HS6ST3: variants seen among roughly 807,000 people sequenced by gnomAD.
HS6ST3 encodes the protein heparan sulfate 6-O-sulfotransferase 3.
HS6ST3 carries 12 observed loss-of-function variants against 36.7 expected under a neutral mutation model. That is an observed-to-expected ratio of 0.33 (90% CI 0.21 to 0.53). HS6ST3 has a LOEUF of 0.53. Ranked by LOEUF, HS6ST3 falls within the 20% of genes least tolerant of loss-of-function variation. HS6ST3 has a pLI of 0.95. For missense variants in HS6ST3, 584 were observed against 640.9 expected, an observed-to-expected ratio of 0.91 and a Z score of 0.96; for synonymous variants, 240 against 257.5, an observed-to-expected ratio of 0.93 and a Z score of 0.65.
intron 1 of HS6ST3, among the ~76,000 whole-genome samples, chr13:96,785,786 A>G (rs61642252): frequency 0.089 from 13,521 of 152,264 alleles, 712 homozygotes; most frequent in African/African-American, 0.14. Context: ...TTGAGCACCT[A>G]CTATGGAACC....
chr13:96,740,150 T>C (rs1292057773), intron 1 of HS6ST3, among the ~76,000 whole-genome samples: 1 of 152,158 alleles, frequency 6.6e-6, no homozygotes, highest in African/African-American at 2.4e-5. Flanking sequence ...ATCTTATTCA[T>C]TGCCTGTCTC....
chr13:96,317,329 TATATATATATATATA>T (rs2054975872), intron 1 of HS6ST3, among the ~76,000 whole-genome samples: 14 of 18,730 alleles, frequency 7.5e-4, no homozygotes, highest in East Asian at 1.5e-3. Context: ...TATTCCATTA[TATATATATATATATA>T]TATATATATA....
At chr13:96,617,492 T>G (rs2056478746) in intron 1 of HS6ST3, among the ~76,000 whole-genome samples, 1 of 152,214 alleles carries the variant, frequency 6.6e-6, no homozygotes, top group Non-Finnish European at 1.5e-5. Context: ...CATCATAATC[T>G]TTCACTAATG....
At chr13:96,441,859 C>A (rs2055673078) in intron 1 of HS6ST3, among the ~76,000 whole-genome samples, 1 of 151,828 alleles carries the variant, frequency 6.6e-6, no homozygotes, top group Non-Finnish European at 1.5e-5. Context: ...ACACAGAAAT[C>A]AATCTATAAA....
chr13:96,475,644 A>G (rs1373108365), intron 1 of HS6ST3, among the ~76,000 whole-genome samples: 1 of 151,832 alleles, frequency 6.6e-6, no homozygotes, highest in Non-Finnish European at 1.5e-5. Flanking sequence ...AAGAAAGAAA[A>G]TTGTCCTAAA....
At chr13:96,221,861 T>C (rs2054457218) in intron 1 of HS6ST3, among the ~76,000 whole-genome samples, 1 of 152,226 alleles carries the variant, frequency 6.6e-6, no homozygotes, top group Admixed American at 6.5e-5. Context: ...ATTAGGTCAT[T>C]TGTCACTTTA....
chr13:96,177,759 G>A (rs182706789), intron 1 of HS6ST3, among the ~76,000 whole-genome samples: 3 of 145,182 alleles, frequency 2.1e-5, no homozygotes, highest in South Asian at 2.3e-4. Flanking sequence ...ACCTACCCCC[G>A]AACCTAAAAT....
intron 1 of HS6ST3, among the ~76,000 whole-genome samples, chr13:96,421,080 G>C (rs2055559985): frequency 6.6e-6 from 1 of 152,114 alleles, no homozygotes; most frequent in Non-Finnish European, 1.5e-5. Flanking sequence ...TGCCTCCTCT[G>C]GAGGTTACTT....
At position 96,782,161 on chromosome 13, in the gene HS6ST3, A is replaced by C. The variant is rs116737377; in HGVS notation, c.708-50329A>C. ...CTGATGGTTTTCTTCAGAGAACACA[A>C]TCAATTTACCAATCTAGCCCAGAGG... On this transcript the variant is annotated intron_variant, in intron 1 of 1. Transcript: ENST00000376705. 5.7e-4 allele frequency among the ~76,000 whole-genome samples: 87 copies of C among 152,306 alleles called. 3 individuals carry two copies. In the South Asian group the frequency reaches 0.017, roughly 29 times the overall value.
At chr13:96,441,586 G>A (rs1170684440) in intron 1 of HS6ST3, among the ~76,000 whole-genome samples, 1 of 152,132 alleles carries the variant, frequency 6.6e-6, no homozygotes, top group Non-Finnish European at 1.5e-5. Context: ...CTTAAAGGAA[G>A]CAGGTGATTC....
intron 1 of HS6ST3, among the ~76,000 whole-genome samples, chr13:96,800,779 T>C (rs1878046452): frequency 6.6e-6 from 1 of 152,058 alleles, no homozygotes; most frequent in Admixed American, 6.6e-5. Flanking sequence ...ACTCCCACCA[T>C]CACTTCCCTT....
intron 1 of HS6ST3, among the ~76,000 whole-genome samples, chr13:96,823,559 AAT>A (rs779511109): frequency 1.3e-5 from 2 of 152,034 alleles, no homozygotes; most frequent in Non-Finnish European, 2.9e-5. Context: ...ATAATAATCA[AAT>A]ATATATATAT....
At chr13:96,569,398 C>G (rs7999291) in intron 1 of HS6ST3, among the ~76,000 whole-genome samples, 2 of 151,942 alleles carry the variant, frequency 1.3e-5, no homozygotes, top group East Asian at 3.9e-4. Context: ...AGGAGACTGA[C>G]GCCAAGGATA....
intron 1 of HS6ST3, among the ~76,000 whole-genome samples, chr13:96,518,806 A>C (rs560809531): frequency 6.6e-6 from 1 of 152,268 alleles, no homozygotes; most frequent in African/African-American, 2.4e-5. Flanking sequence ...GTAACTTCTA[A>C]TTTATTAGGG....
intron 1 of HS6ST3, among the ~76,000 whole-genome samples, chr13:96,121,111 C>G (rs1193395796): frequency 6.6e-6 from 1 of 152,128 alleles, no homozygotes; most frequent in Non-Finnish European, 1.5e-5. Context: ...ATTTGCATAC[C>G]TATCTGAAAA....
intron 1 of HS6ST3, among the ~76,000 whole-genome samples, chr13:96,175,483 G>A (rs2054208125): frequency 6.6e-6 from 1 of 151,850 alleles, no homozygotes; most frequent in Non-Finnish European, 1.5e-5. Context: ...AATATCATCA[G>A]CCCTGGGAAG....
intron 1 of HS6ST3, among the ~76,000 whole-genome samples, chr13:96,116,578 C>T (rs1275544097): frequency 1.3e-5 from 2 of 152,160 alleles, no homozygotes; most frequent in Non-Finnish European, 2.9e-5. Flanking sequence ...AGCAGATAAG[C>T]GTATTATTCA....
intron 1 of HS6ST3, among the ~76,000 whole-genome samples, chr13:96,359,395 T>G (rs9556574): frequency 0.38 from 58,026 of 151,960 alleles, 11,517 homozygotes; most frequent in African/African-American, 0.48. Flanking sequence ...TGGATTTCTA[T>G]GTAAGAATGT....
At chr13:96,312,447 A>G (rs1341794748) in intron 1 of HS6ST3, among the ~76,000 whole-genome samples, 2 of 152,084 alleles carry the variant, frequency 1.3e-5, no homozygotes, top group Admixed American at 6.6e-5. Flanking sequence ...TAATTTTATA[A>G]TAAATTATAG....
Sources: allele counts gnomAD v4.1 joint callset (sites outside exome capture counted in the v4.1 genomes callset), GRCh38; gene constraint gnomAD v4.1.1; transcripts MANE v1.5; gene names NCBI Gene and HGNC (gene_info 2026-07-23, HGNC 2026-07-21).